Variants in ZFHX3 observed in about 807,000 individuals in gnomAD.
ZFHX3 encodes zinc finger homeobox protein 3.
Under a neutral mutation model 279.1 loss-of-function variants are expected in ZFHX3, and 42 were observed. That is an observed-to-expected ratio of 0.15 (90% CI 0.12 to 0.19). ZFHX3 has a LOEUF of 0.19. Among genes scored for constraint, ZFHX3 ranks in the 10% least tolerant of loss-of-function variants. The pLI is 1.00. For missense variants in ZFHX3, 4,981 were observed against 4,754.0 expected (o/e 1.05, Z -1.40); for synonymous variants, 2,293 against 1,957.8 (o/e 1.17, Z -4.52).
chr16:73,019,474 A>G (rs1363516348), intron 1 of ZFHX3, among the ~76,000 whole-genome samples: 2 of 151,950 alleles, frequency 1.3e-5, no homozygotes, highest in Non-Finnish European at 2.9e-5. Flanking sequence ...ACACTTCCTT[A>G]CCAAGGTGCC....
intron 2 of ZFHX3, among the ~76,000 whole-genome samples, chr16:73,660,976 A>C (rs2052777097): frequency 6.6e-6 from 1 of 152,202 alleles, no homozygotes; most frequent in Non-Finnish European, 1.5e-5. Flanking sequence ...GGTGAATTGC[A>C]TACCCATATC....
intron 8 of ZFHX3, among the ~76,000 whole-genome samples, chr16:73,074,856 A>C (rs1965868322): frequency 6.6e-6 from 1 of 151,912 alleles, no homozygotes; most frequent in Admixed American, 6.6e-5. Flanking sequence ...GCTGGAGTGC[A>C]GTGGCACAAT....
At chr16:73,342,059 T>A (rs1243767770) in intron 3 of ZFHX3, among the ~76,000 whole-genome samples, 3 of 152,116 alleles carry the variant, frequency 2.0e-5, no homozygotes, top group African/African-American at 4.8e-5. Context: ...AATGGGTGAA[T>A]TGTATGGTAC....
At chr16:72,856,580 C>T (rs1328202560) in intron 4 of ZFHX3, among the ~76,000 whole-genome samples, 1 of 152,160 alleles carries the variant, frequency 6.6e-6, no homozygotes, top group African/African-American at 2.4e-5. Context: ...GAGACAGCTG[C>T]CCAGGGCAGA....
At chr16:73,311,589 CAAAAAAAAAA>C (rs1156241061) in intron 4 of ZFHX3, among the ~76,000 whole-genome samples, 1 of 27,978 alleles carries the variant, frequency 3.6e-5, no homozygotes, top group African/African-American at 1.7e-4. Context: ...TACTCCATCT[CAAAAAAAAAA>C]AAAAAAAAAA....
At chr16:73,017,922 T>C (rs1964162760) in intron 1 of ZFHX3, among the ~76,000 whole-genome samples, 1 of 152,182 alleles carries the variant, frequency 6.6e-6, no homozygotes, top group Non-Finnish European at 1.5e-5. Context: ...CAGAAAATGA[T>C]TTCCTCCTTT....
At chr16:72,919,925 C>G (rs1485459543) in intron 3 of ZFHX3, among the ~76,000 whole-genome samples, 1 of 151,466 alleles carries the variant, frequency 6.6e-6, no homozygotes, top group Non-Finnish European at 1.5e-5. Flanking sequence ...TCCCAAGAAC[C>G]TGGGATTACA....
At chr16:73,809,188 G>A (rs574719449) in intron 1 of ZFHX3, 6 of 152,290 alleles carry the variant, frequency 3.9e-5, no homozygotes, top group African/African-American at 9.6e-5. Context: ...GTTCCTGGGA[G>A]GAATTAAAAG....
intron 4 of ZFHX3, among the ~76,000 whole-genome samples, chr16:72,861,633 G>T (rs1278191546): frequency 6.6e-6 from 1 of 152,176 alleles, no homozygotes; most frequent in Non-Finnish European, 1.5e-5. Flanking sequence ...AATTCTATCT[G>T]AAAATGTGGA....
intron 3 of ZFHX3, among the ~76,000 whole-genome samples, chr16:73,392,570 G>A (rs974538985): frequency 6.6e-6 from 1 of 151,996 alleles, no homozygotes; most frequent in Non-Finnish European, 1.5e-5. Context: ...AGGGGATTTT[G>A]GGGGAGAAAT....
At chr16:73,391,109 C>T (rs552234063) in intron 3 of ZFHX3, among the ~76,000 whole-genome samples, 9 of 152,138 alleles carry the variant, frequency 5.9e-5, no homozygotes, top group Non-Finnish European at 4.4e-5. Context: ...GGAGGCACAG[C>T]CTGCACAAGG....
chr16:73,385,755 T>C (rs1163493125), intron 3 of ZFHX3, among the ~76,000 whole-genome samples: 2 of 152,154 alleles, frequency 1.3e-5, no homozygotes, highest in Non-Finnish European at 2.9e-5. Context: ...CTCACAGGTA[T>C]GGGCAGGAGG....
intron 2 of ZFHX3, among the ~76,000 whole-genome samples, chr16:73,580,460 G>C (rs1275789378): frequency 6.6e-6 from 1 of 151,020 alleles, no homozygotes; most frequent in Non-Finnish European, 1.5e-5. Context: ...CCTGGCAACA[G>C]AGCGAGACTC....
At chr16:73,016,803 A>G (rs1279612909) in intron 1 of ZFHX3, among the ~76,000 whole-genome samples, 1 of 152,092 alleles carries the variant, frequency 6.6e-6, no homozygotes, top group East Asian at 1.9e-4. Context: ...CCCTGGTGAC[A>G]GCAGAGTGGC....
intron 1 of ZFHX3, among the ~76,000 whole-genome samples, chr16:73,759,503 T>C (rs1354369341): frequency 6.6e-6 from 1 of 152,166 alleles, no homozygotes; most frequent in African/African-American, 2.4e-5. Context: ...TCTTGTTAAA[T>C]AGGAAAGACA....
At chr16:73,857,362 T>A (rs1034529172) in intron 1 of ZFHX3, among the ~76,000 whole-genome samples, 1 of 152,180 alleles carries the variant, frequency 6.6e-6, no homozygotes. Flanking sequence ...TTTCCCTAAG[T>A]ATGTTTATCA....
intron 3 of ZFHX3, among the ~76,000 whole-genome samples, chr16:73,387,776 C>T (rs376091045): frequency 2.0e-5 from 3 of 151,884 alleles, no homozygotes; most frequent in South Asian, 2.1e-4. Context: ...ATACACAAGT[C>T]GCACATAAAC....
intron 1 of ZFHX3, among the ~76,000 whole-genome samples, chr16:73,813,550 G>A (rs1567418854): frequency 6.6e-6 from 1 of 151,992 alleles, no homozygotes; most frequent in African/African-American, 2.4e-5. Context: ...AAAAACAGTG[G>A]GCATTGCATA....
At chr16:73,667,153 G>T (rs367883523) in intron 2 of ZFHX3, among the ~76,000 whole-genome samples, 1 of 151,808 alleles carries the variant, frequency 6.6e-6, no homozygotes, top group African/African-American at 2.4e-5. Context: ...CACCACGCCC[G>T]GCTAATTTTT....
Sources: allele counts gnomAD v4.1 joint callset (sites outside exome capture counted in the v4.1 genomes callset), GRCh38; gene constraint gnomAD v4.1.1; transcripts MANE v1.5; gene names NCBI Gene and HGNC (gene_info 2026-07-23, HGNC 2026-07-21).